Variants in TRA2B observed in about 807,000 individuals in gnomAD.
The protein encoded by TRA2B is transformer 2 beta homolog.
Under a neutral mutation model 41.7 loss-of-function variants are expected in TRA2B, and 14 were observed. The ratio of observed to expected loss-of-function variants is 0.34; its 90% CI spans 0.22 to 0.53. The LOEUF is 0.53. Among genes scored for constraint, TRA2B ranks in the 20% least tolerant of loss-of-function variants. The pLI is 0.95. For synonymous variants in TRA2B, 130 were observed against 128.8 expected, an observed-to-expected ratio of 1.01 and a Z score of -0.06; for missense variants, 167 against 396.8, an observed-to-expected ratio of 0.42 and a Z score of 4.92.
In TRA2B at chr3:185,934,349, T is replaced by C. The variant is rs2150119534; in HGVS notation, c.36+3476A>G. 9.1e-6 allele frequency: 9 copies of C among 985,416 alleles called. No individual in the cohort carries two copies. In the South Asian group the frequency reaches 3.8e-4, roughly 41 times the overall value. The allele number at this position is 985,416 out of a possible 1,614,324, so 61.0% of individuals were successfully genotyped here. ...TTGTAGAGAAAGGAGGAAAAAACGC[T>C]ATGTAAGGCAAATCCCATTAACACT... On this transcript the variant is annotated intron_variant, in intron 1 of 8. Coordinates refer to ENST00000453386, the MANE Select transcript of TRA2B (RefSeq NM_004593.3).
chr3:185,915,981 T>C lies in TRA2B; in HGVS notation c.*1734A>G, dbSNP rs541133214. 1 of 152,348 alleles carries C rather than the reference T, an allele frequency of 6.6e-6. No homozygotes were observed. The highest frequency in any genetic ancestry group is 6.5e-5 in the Admixed American group (1 of 15,298). 9.4% of individuals were successfully genotyped at this position (152,348 alleles called of 1,614,324 possible). Reference sequence around the variant, plus strand: ...GACCACACCCTAAAACTCAACTTTATATATAAATACTACAAATTCTTGTTT... The same window carrying C: ...GACCACACCCTAAAACTCAACTTTACATATAAATACTACAAATTCTTGTTT... On this transcript the variant is annotated 3_prime_UTR_variant, in exon 9 of 9. Transcript: ENST00000453386.
intron 3 of TRA2B, 103 bp downstream of exon 3, chr3:185,925,361 C>T: frequency 2.2e-6 from 3 of 1,356,418 alleles, no homozygotes; most frequent in Non-Finnish European, 3.0e-6. Flanking sequence ...GAAGATTTCA[C>T]TCACGCACCA....
At chr3:185,917,793 A>G in intron 8 of TRA2B, 68 bp from the exon 9 acceptor site, 3 of 1,519,238 alleles carry the variant, frequency 2.0e-6, no homozygotes, top group East Asian at 2.3e-5. Flanking sequence ...TTTAATGCCG[A>G]GAATTTCAGA....
At chr3:185,920,870 T>A (rs1045242257) in intron 6 of TRA2B, among the ~76,000 whole-genome samples, 1 of 152,228 alleles carries the variant, frequency 6.6e-6, no homozygotes, top group Admixed American at 6.5e-5. Flanking sequence ...ATTATTAATA[T>A]TCCAAGTTAT....
At chr3:185,937,108 TAC>T in intron 1 of TRA2B, 5 of 985,430 alleles carry the variant, frequency 5.1e-6, no homozygotes, top group Non-Finnish European at 6.0e-6. Context: ...AGAATACTGA[TAC>T]AGATTTTTGC....
intron 7 of TRA2B, among the ~76,000 whole-genome samples, chr3:185,919,194 C>CTAACTT (rs10522176): frequency 0.59 from 89,778 of 151,434 alleles, 27,498 homozygotes; most frequent in African/African-American, 0.74. Flanking sequence ...TTATCAGTGA[C>CTAACTT]TAACATCACT....
intron 1 of TRA2B, chr3:185,937,212 C>G (rs958915367): frequency 1.0e-6 from 1 of 985,678 alleles, no homozygotes; most frequent in Non-Finnish European, 1.2e-6. Context: ...GGGCCCAGAA[C>G]TTAGTCGGCC....
intron 1 of TRA2B, chr3:185,935,853 TAA>T: frequency 2.0e-6 from 2 of 985,346 alleles, no homozygotes; most frequent in South Asian, 4.7e-5. Flanking sequence ...TTTCACAACG[TAA>T]AAGTTTAGAG....
chr3:185,930,136 A>G (rs1744094655), intron 1 of TRA2B, among the ~76,000 whole-genome samples: 1 of 152,226 alleles, frequency 6.6e-6, no homozygotes, highest in Non-Finnish European at 1.5e-5. Flanking sequence ...AGCTTGGGTC[A>G]TAACCAGATT....
chr3:185,928,808 G>A (rs1744047802), intron 1 of TRA2B: 1 of 152,204 alleles, frequency 6.6e-6, no homozygotes, highest in South Asian at 2.1e-4. Flanking sequence ...AGTCAGCCCA[G>A]GAATCTGAGT....
intron 1 of TRA2B, chr3:185,928,237 G>T (rs1239003142): frequency 6.6e-6 from 1 of 152,136 alleles, no homozygotes; most frequent in African/African-American, 2.4e-5. Context: ...AAGGTTTGAG[G>T]TTTAACACAG....
chr3:185,917,688 G>C lies in TRA2B; in HGVS notation c.*27C>G, dbSNP rs1007096188. On this transcript the variant is annotated 3_prime_UTR_variant, in exon 9 of 9. Transcript: ENST00000453386. ...GCCCACAAACAATATCCCAGCTCTA[G>C]GGCAGGTTTCAGAAAGTCTTCATGC... 3.7e-6 allele frequency: 6 copies of C among 1,612,076 alleles called. No homozygotes were observed. Among genetic ancestry groups the C allele is most frequent in the Admixed American group, 1.7e-5 (1 of 59,856 alleles).
Position 185,916,085 on chromosome 3 carries a change from C to T in TRA2B, c.*1630G>A. 1 of 152,180 alleles carries T rather than the reference C, an allele frequency of 6.6e-6. No individual in the cohort carries two copies. Among genetic ancestry groups the T allele is most frequent in the East Asian group, 1.9e-4 (1 of 5,204 alleles). The allele number at this position is 152,180 out of a possible 1,614,324, so 9.4% of individuals were successfully genotyped here. ...TTCCACATGCTTATCAGAAACAAAC[C>T]TAAGGGTAGTTCTCTAAGCATATTA... is the stretch of plus-strand genomic sequence containing the variant. On this transcript the variant is annotated 3_prime_UTR_variant, in exon 9 of 9. Transcript: ENST00000453386.
intron 1 of TRA2B, chr3:185,927,856 G>A (rs1744011547): frequency 6.6e-6 from 1 of 152,252 alleles, no homozygotes. Flanking sequence ...TAGTCAGTCT[G>A]ATAGCTAGGT....
chr3:185,929,160 T>G (rs1020628454), intron 1 of TRA2B: 4 of 152,186 alleles, frequency 2.6e-5, no homozygotes, highest in African/African-American at 9.7e-5. Context: ...CACCTAAACG[T>G]CTCGATCCTT....
intron 1 of TRA2B, among the ~76,000 whole-genome samples, chr3:185,933,223 T>G (rs1291147119): frequency 6.6e-6 from 1 of 152,198 alleles, no homozygotes; most frequent in Non-Finnish European, 1.5e-5. Flanking sequence ...TAGCTCTAGC[T>G]ATCACAACTG....
intron 5 of TRA2B, among the ~76,000 whole-genome samples, chr3:185,921,509 AATCCCAGCTCTTTGGGAG>A (rs1560563472): frequency 6.6e-6 from 1 of 152,248 alleles, no homozygotes; most frequent in Non-Finnish European, 1.5e-5. Flanking sequence ...TCACGCCTGT[AATCCCAGCTCTTTGGGAG>A]GCCGAGGCGG....
intron 5 of TRA2B, 136 bp downstream of exon 5, chr3:185,921,875 C>T (rs1743753028): frequency 3.7e-6 from 2 of 547,022 alleles, no homozygotes; most frequent in Non-Finnish European, 6.5e-6. Context: ...AGAAAAATGC[C>T]CTAATGAGGA....
At chr3:185,937,641 A>C (rs1744418023) in intron 1 of TRA2B, among the ~76,000 whole-genome samples, 184 bp downstream of exon 1, 2 of 152,218 alleles carry the variant, frequency 1.3e-5, no homozygotes, top group South Asian at 4.1e-4. Context: ...CTTCACGACC[A>C]AAGGCACTAA....
Sources: gnomAD v4.1 joint callset for allele counts (sites outside exome capture counted in the v4.1 genomes callset) on GRCh38, gnomAD v4.1.1 for gene constraint, MANE v1.5 for transcripts, NCBI Gene and HGNC (gene_info 2026-07-23, HGNC 2026-07-21) for gene names.